Variants in ASXL3 observed in about 807,000 individuals in gnomAD.
ASXL3 encodes the protein ASXL transcriptional regulator 3.
A neutral mutation model predicts 170.6 loss-of-function variants in ASXL3; 34 were observed. The observed-to-expected ratio is 0.20, with a 90% confidence interval of 0.15 to 0.27. The LOEUF (loss-of-function observed/expected upper bound fraction) is 0.27, where lower values mean the gene tolerates loss of function less well. Ranked by LOEUF, ASXL3 falls within the 10% of genes least tolerant of loss-of-function variation. The pLI, the probability that ASXL3 is intolerant of heterozygous loss-of-function variation, is 1.00. For synonymous variants in ASXL3, 1,002 were observed against 989.1 expected (o/e 1.01, Z -0.24); for missense variants, 2,592 against 2,695.3 (o/e 0.96, Z 0.85).
chr18:33,638,109 T>C (rs2065795863), intron 2 of ASXL3, among the ~76,000 whole-genome samples: 1 of 150,752 alleles, frequency 6.6e-6, no homozygotes, highest in African/African-American at 2.5e-5. Context: ...CTACCACATA[T>C]ATGTATATAT....
At chr18:33,595,516 C>G (rs1424017734) in intron 1 of ASXL3, among the ~76,000 whole-genome samples, 4 of 152,102 alleles carry the variant, frequency 2.6e-5, no homozygotes, top group Non-Finnish European at 5.9e-5. Context: ...CTTTGGTCAT[C>G]TAACCAATTT....
At chr18:33,741,116 G>A (rs2067654171) in intron 11 of ASXL3, among the ~76,000 whole-genome samples, 2 of 152,120 alleles carry the variant, frequency 1.3e-5, no homozygotes, top group South Asian at 4.1e-4. Flanking sequence ...CAAGATTCTA[G>A]AGGTGTAAAA....
intron 1 of ASXL3, among the ~76,000 whole-genome samples, chr18:33,593,361 CTA>C (rs2065096677): frequency 6.9e-6 from 1 of 144,382 alleles, no homozygotes; most frequent in Non-Finnish European, 1.5e-5. Context: ...AGATTCCAGT[CTA>C]TGTTTCCCAT....
chr18:33,609,952 A>G (rs571292712), intron 2 of ASXL3, among the ~76,000 whole-genome samples: 3 of 152,052 alleles, frequency 2.0e-5, no homozygotes, highest in Admixed American at 2.0e-4. Context: ...GTAATCCATT[A>G]CTTATGGCTC....
chr18:33,710,610 C>T (rs934178370), intron 8 of ASXL3, among the ~76,000 whole-genome samples: 2 of 152,154 alleles, frequency 1.3e-5, no homozygotes, highest in Non-Finnish European at 2.9e-5. Context: ...TTTCTAGGCA[C>T]TCTTAAATAG....
chr18:33,605,072 A>G (rs1286747056), intron 1 of ASXL3, among the ~76,000 whole-genome samples: 1 of 152,082 alleles, frequency 6.6e-6, no homozygotes, highest in Admixed American at 6.6e-5. Flanking sequence ...TGCTTGTGTA[A>G]CAATAAATAA....
rs1167940254 is a variant in ASXL3 at position 33,744,886 on chromosome 18, A to G, written c.5038A>G (p.Arg1680Gly). Residue 1680 changes from arginine to glycine, a missense_variant, in exon 12 of 12, where the codon AGA becomes GGA. This residue lies in a region of ASXL3 where 2,246 missense variants were observed against 2,219.6 expected (regional missense o/e 1.01). Coordinates refer to ENST00000269197, the MANE Select transcript of ASXL3 (RefSeq NM_030632.3). Reference sequence around the variant, plus strand: ...ACTTCACGAAGCAGACAAGGGCTTTAGAATGGACACTGAAGACTTCCCTGG... The same window carrying G: ...ACTTCACGAAGCAGACAAGGGCTTTGGAATGGACACTGAAGACTTCCCTGG... ...SELHEADKGFRMDTEDFPGPE... is the reference protein window; with the variant it reads ...SELHEADKGFGMDTEDFPGPE... The G allele has an allele frequency of 1.2e-6, 2 of 1,614,052 alleles. No individual in the cohort carries two copies. Among genetic ancestry groups the G allele is most frequent in the Non-Finnish European group, 1.7e-6 (2 of 1,179,896 alleles).
chr18:33,716,462 CAAGG>C (rs1180807142), intron 8 of ASXL3, among the ~76,000 whole-genome samples: 1 of 152,106 alleles, frequency 6.6e-6, no homozygotes, highest in Non-Finnish European at 1.5e-5. Flanking sequence ...TTTTGGGAAA[CAAGG>C]AAGTAAAAGC....
At chr18:33,615,242 CT>C (rs1464489060) in intron 2 of ASXL3, among the ~76,000 whole-genome samples, 55 of 152,246 alleles carry the variant, frequency 3.6e-4, no homozygotes, top group East Asian at 2.7e-3. Flanking sequence ...TGCTGCTTCA[CT>C]TTGCACTTTT....
In ASXL3 at chr18:33,606,214, C is replaced by T. The variant is rs556616683; in HGVS notation, c.55-1380C>T. 3.3e-5 allele frequency among the ~76,000 whole-genome samples: 5 copies of T among 152,008 alleles called. No individual in the cohort carries two copies. In the South Asian group the frequency reaches 1.0e-3, roughly 32 times the overall value. ...TTTCTGTTTCCCCTTTTCGAGTGTTCAGTTCACCTCTACAGTGTCCTCTTC... is the reference window on the plus strand; with the variant it reads ...TTTCTGTTTCCCCTTTTCGAGTGTTTAGTTCACCTCTACAGTGTCCTCTTC... On this transcript the variant is annotated intron_variant, in intron 1 of 11. Coordinates refer to ENST00000269197, the MANE Select transcript of ASXL3 (RefSeq NM_030632.3).
rs1338456701 is a variant in ASXL3 at position 33,748,503 on chromosome 18, C to CA, written c.*1912dup. The CA allele has an allele frequency of 6.6e-6, 1 of 152,120 alleles. No homozygotes were observed. 9.4% of individuals were successfully genotyped at this position (152,120 alleles called of 1,614,324 possible). Reference sequence around the variant, plus strand: ...TTTCTGTTTTTCACAGTAAAATTGGCAAAACTAATGACTGAGAAAGTTAGT... The same window carrying CA: ...TTTCTGTTTTTCACAGTAAAATTGGCAAAAACTAATGACTGAGAAAGTTAGT... On this transcript the variant is annotated 3_prime_UTR_variant, in exon 12 of 12. Transcript: ENST00000269197.
intron 8 of ASXL3, among the ~76,000 whole-genome samples, chr18:33,728,499 G>T (rs1243624446): frequency 6.6e-6 from 1 of 152,134 alleles, no homozygotes; most frequent in Non-Finnish European, 1.5e-5. Flanking sequence ...AAAAATTTCA[G>T]ATTTCATAGA....
intron 8 of ASXL3, among the ~76,000 whole-genome samples, chr18:33,715,382 G>A (rs2067147699): frequency 6.6e-6 from 1 of 152,108 alleles, no homozygotes; most frequent in Admixed American, 6.6e-5. Flanking sequence ...ATATATGTTA[G>A]CATATTAAAA....
At chr18:33,593,435 C>G (rs558195096) in intron 1 of ASXL3, among the ~76,000 whole-genome samples, 10 of 152,046 alleles carry the variant, frequency 6.6e-5, no homozygotes, top group South Asian at 2.1e-4. Flanking sequence ...CCTTAGATAT[C>G]CCATGCAGAA....
At chr18:33,606,160 C>T (rs1321828247) in intron 1 of ASXL3, among the ~76,000 whole-genome samples, 2 of 151,816 alleles carry the variant, frequency 1.3e-5, no homozygotes, top group Non-Finnish European at 2.9e-5. Context: ...TATATTTATA[C>T]TCCTCTTCCC....
At chr18:33,625,462 A>G (rs1215377689) in intron 2 of ASXL3, among the ~76,000 whole-genome samples, 1 of 152,156 alleles carries the variant, frequency 6.6e-6, no homozygotes, top group Admixed American at 6.6e-5. Context: ...TTACTAAGCA[A>G]CCAAGTGAAC....
chr18:33,747,565 T>TTGA lies in ASXL3; in HGVS notation c.*974_*976dup, dbSNP rs2145439622. The TTGA allele has an allele frequency of 6.6e-6, 1 of 152,334 alleles. No homozygotes were observed. Among genetic ancestry groups the TTGA allele is most frequent in the East Asian group, 1.9e-4 (1 of 5,180 alleles). 9.4% of individuals were successfully genotyped at this position (152,334 alleles called of 1,614,324 possible). ...GGGTGGAAATCATTGTAGCCCTTTATTGATGACACCCATTCATTCTGGCTT... is the reference window on the plus strand; with the variant it reads ...GGGTGGAAATCATTGTAGCCCTTTATTGATGATGACACCCATTCATTCTGGCTT... On this transcript the variant is annotated 3_prime_UTR_variant, in exon 12 of 12. Coordinates refer to ENST00000269197, the MANE Select transcript of ASXL3 (RefSeq NM_030632.3).
At chr18:33,640,702 T>C (rs1395305106) in intron 2 of ASXL3, among the ~76,000 whole-genome samples, 1 of 152,124 alleles carries the variant, frequency 6.6e-6, no homozygotes, top group African/African-American at 2.4e-5. Flanking sequence ...ATATATTCTT[T>C]ATATTTTCTC....
chr18:33,680,921 A>C (rs2066504081), intron 7 of ASXL3, among the ~76,000 whole-genome samples: 1 of 151,982 alleles, frequency 6.6e-6, no homozygotes, highest in South Asian at 2.1e-4. Flanking sequence ...CTAATGTGAA[A>C]ATCCAGTTAC....
Sources: allele counts gnomAD v4.1 joint callset (sites outside exome capture counted in the v4.1 genomes callset), GRCh38; gene constraint gnomAD v4.1.1; regional missense constraint gnomAD v4.1.1; transcripts MANE v1.5; gene names NCBI Gene and HGNC (gene_info 2026-07-23, HGNC 2026-07-21).